Variants in TNNI3K observed in about 807,000 individuals in gnomAD.
The protein encoded by TNNI3K is serine/threonine-protein kinase TNNI3K.
Under a neutral mutation model 114.5 loss-of-function variants are expected in TNNI3K, and 140 were observed. The ratio of observed to expected loss-of-function variants is 1.22; its 90% confidence interval spans 1.07 to 1.41. The LOEUF (loss-of-function observed/expected upper bound fraction) is 1.41. Among genes scored for constraint, TNNI3K ranks in the 40% most tolerant of loss-of-function variants. The probability of loss-of-function intolerance (pLI) is 0.00; values close to 1 mark genes in which losing one functional copy is unlikely to be tolerated. For missense variants in TNNI3K, 1,125 were observed against 1,007.6 expected, an observed-to-expected ratio of 1.12 and a Z score of -1.58; for synonymous variants, 347 against 347.5, an observed-to-expected ratio of 1.00 and a Z score of 0.02.
intron 21 of TNNI3K, among the ~76,000 whole-genome samples, chr1:74,483,695 A>T (rs976474569): frequency 1.3e-5 from 2 of 152,202 alleles, no homozygotes; most frequent in African/African-American, 4.8e-5. Context: ...TAGTTCTTTT[A>T]ATTCTGCAAC....
At chr1:74,514,861 G>C (rs112447719) in intron 23 of TNNI3K, among the ~76,000 whole-genome samples, 17 of 152,274 alleles carry the variant, frequency 1.1e-4, no homozygotes, top group East Asian at 5.8e-4. Flanking sequence ...TTGGAAACAG[G>C]GTTGTTGCAG....
chr1:74,300,308 C>T (rs1466099285), intron 5 of TNNI3K, among the ~76,000 whole-genome samples: 2 of 152,190 alleles, frequency 1.3e-5, no homozygotes, highest in Non-Finnish European at 2.9e-5. Context: ...TATGTGCTCA[C>T]ATAGTCATAT....
At chr1:74,465,898 A>C (rs1449411043) in intron 21 of TNNI3K, among the ~76,000 whole-genome samples, 2 of 152,212 alleles carry the variant, frequency 1.3e-5, no homozygotes, top group African/African-American at 4.8e-5. Flanking sequence ...GGGCCAGATA[A>C]GGGAATAAAA....
At chr1:74,444,728 C>A (rs1666551554) in intron 20 of TNNI3K, among the ~76,000 whole-genome samples, 1 of 151,642 alleles carries the variant, frequency 6.6e-6, no homozygotes, top group South Asian at 2.1e-4. Flanking sequence ...CCAAGACAAT[C>A]CTAAGCAAAA....
chr1:74,242,025 A>G (rs1654261711), intron 2 of TNNI3K, among the ~76,000 whole-genome samples: 1 of 151,714 alleles, frequency 6.6e-6, no homozygotes, highest in Middle Eastern at 3.4e-3. Flanking sequence ...AATTTTTTGT[A>G]TTTTTAGTAG....
intron 4 of TNNI3K, among the ~76,000 whole-genome samples, chr1:74,257,576 T>C (rs1655394535): frequency 6.6e-6 from 1 of 151,744 alleles, no homozygotes; most frequent in Non-Finnish European, 1.5e-5. Flanking sequence ...ACACTTCTGG[T>C]GGATACATTT....
chr1:74,236,297 C>A (rs551247917), intron 2 of TNNI3K, 87 bp downstream of exon 2: 19 of 1,179,506 alleles, frequency 1.6e-5, no homozygotes, highest in East Asian at 2.7e-5. Flanking sequence ...TTTTTAAACC[C>A]GTAGAACCTC....
intron 21 of TNNI3K, chr1:74,468,910 A>G (rs1336939172): frequency 6.6e-6 from 1 of 152,122 alleles, no homozygotes; most frequent in Non-Finnish European, 1.5e-5. Flanking sequence ...TCAAATAAGC[A>G]TGGCTTTGAA....
intron 23 of TNNI3K, 80 bp downstream of exon 23, chr1:74,492,346 A>G (rs1462287643): frequency 3.0e-6 from 4 of 1,350,742 alleles, no homozygotes; most frequent in Non-Finnish European, 3.9e-6. Flanking sequence ...TTTGATTACT[A>G]TTAACAGGGT....
Position 74,249,415 on chromosome 1 carries a change from C to G in TNNI3K, c.150-44C>G, listed in dbSNP as rs184960696. ...TAATTTTCAAATGAAAGACAATATG[C>G]TAAAAGATGAATTTTGTGATCATCT... On this transcript the variant is annotated intron_variant, in intron 2 of 24. Transcript: ENST00000326637. The G allele has an allele frequency of 4.4e-3, 6,915 of 1,560,004 alleles. 34 individuals are homozygous for G. The highest frequency in any genetic ancestry group is 5.4e-3 in the Non-Finnish European group (6,175 of 1,146,042).
At chr1:74,269,015 G>T (rs1656186148) in intron 4 of TNNI3K, among the ~76,000 whole-genome samples, 1 of 151,728 alleles carries the variant, frequency 6.6e-6, no homozygotes, top group South Asian at 2.1e-4. Flanking sequence ...TGGCCTTATT[G>T]CTGGTCTTCA....
intron 23 of TNNI3K, among the ~76,000 whole-genome samples, chr1:74,524,797 C>A (rs45566038): frequency 0.046 from 6,916 of 151,574 alleles, 493 homozygotes; most frequent in African/African-American, 0.16. Flanking sequence ...AAGGGGCTGC[C>A]TCATGAAGGG....
At chr1:74,285,682 C>G (rs928083182) in intron 5 of TNNI3K, among the ~76,000 whole-genome samples, 1 of 152,152 alleles carries the variant, frequency 6.6e-6, no homozygotes, top group Non-Finnish European at 1.5e-5. Context: ...TTTTTGCATA[C>G]AGTAGATTTT....
chr1:74,319,015 C>A (rs545636043), intron 5 of TNNI3K, among the ~76,000 whole-genome samples: 1 of 152,128 alleles, frequency 6.6e-6, no homozygotes, highest in African/African-American at 2.4e-5. Flanking sequence ...TGTGGCTTAG[C>A]AAAACAAACA....
chr1:74,256,990 A>G (rs181309471), intron 4 of TNNI3K, among the ~76,000 whole-genome samples: 1 of 152,128 alleles, frequency 6.6e-6, no homozygotes, highest in Non-Finnish European at 1.5e-5. Context: ...TCAAATTCAG[A>G]AATTTTGACC....
At chr1:74,346,135 A>G (rs1161667763) in intron 9 of TNNI3K, 1 of 152,202 alleles carries the variant, frequency 6.6e-6, no homozygotes, top group Non-Finnish European at 1.5e-5. Context: ...ATAGTTTTAT[A>G]GATGGTAAAA....
At chr1:74,310,940 A>T (rs946989109) in intron 5 of TNNI3K, among the ~76,000 whole-genome samples, 8 of 152,182 alleles carry the variant, frequency 5.3e-5, no homozygotes, top group African/African-American at 1.9e-4. Flanking sequence ...TATAACCTCT[A>T]CTACCTCACT....
intron 20 of TNNI3K, among the ~76,000 whole-genome samples, chr1:74,453,828 C>G (rs181494563): frequency 6.6e-6 from 1 of 152,176 alleles, no homozygotes; most frequent in East Asian, 1.9e-4. Context: ...GACTCACGCT[C>G]CAGCCAAACA....
At chr1:74,308,796 G>A (rs1658803718) in intron 5 of TNNI3K, among the ~76,000 whole-genome samples, 1 of 152,078 alleles carries the variant, frequency 6.6e-6, no homozygotes, top group Non-Finnish European at 1.5e-5. Flanking sequence ...ACTCAAATAA[G>A]TGAAATCAGA....
Sources: allele counts gnomAD v4.1 joint callset (sites outside exome capture counted in the v4.1 genomes callset), GRCh38; gene constraint gnomAD v4.1.1; transcripts MANE v1.5; gene names NCBI Gene and HGNC (gene_info 2026-07-23, HGNC 2026-07-21).